NR3C2: variants seen among roughly 807,000 people sequenced by gnomAD.
NR3C2 encodes the protein nuclear receptor subfamily 3 group C member 2.
NR3C2 carries 15 observed loss-of-function variants against 86.4 expected under a neutral mutation model. That is an observed-to-expected ratio of 0.17 (90% CI 0.12 to 0.27). The LOEUF (loss-of-function observed/expected upper bound fraction) is 0.27, where lower values mean the gene tolerates loss of function less well. Ranked by LOEUF, NR3C2 falls within the 10% of genes least tolerant of loss-of-function variation. The pLI, the probability that NR3C2 is intolerant of heterozygous loss-of-function variation, is 1.00. For synonymous variants in NR3C2, 458 were observed against 450.5 expected, an observed-to-expected ratio of 1.02 and a Z score of -0.21; for missense variants, 960 against 1,195.6, an observed-to-expected ratio of 0.80 and a Z score of 2.91.
chr4:148,115,974 T>C (rs1019983523), intron 7 of NR3C2, among the ~76,000 whole-genome samples: 1 of 152,198 alleles, frequency 6.6e-6, no homozygotes, highest in African/African-American at 2.4e-5. Context: ...AAATCCAATT[T>C]CTACCAAAAT....
chr4:148,079,533 G>T lies in NR3C2; in HGVS notation c.*1811C>A, dbSNP rs1730442965. On this transcript the variant is annotated 3_prime_UTR_variant, in exon 9 of 9. Coordinates refer to ENST00000358102, the MANE Select transcript of NR3C2 (RefSeq NM_000901.5). ...TATGATTTCACTGAGTAAACCTGAT[G>T]ATTATCATCATTTTTAAAAGATTAA... 6.6e-6 allele frequency: 1 copy of T among 152,580 alleles called. No individual in the cohort carries two copies. Among genetic ancestry groups the T allele is most frequent in the Non-Finnish European group, 1.5e-5 (1 of 68,026 alleles). The allele number at this position is 152,580 out of a possible 1,614,324, so 9.5% of individuals were successfully genotyped here. A position where few individuals can be genotyped will look rare whatever the true frequency, so the allele number is the denominator to read the frequency against.
At chr4:148,322,863 C>G (rs1207146930) in intron 2 of NR3C2, among the ~76,000 whole-genome samples, 3 of 100,288 alleles carry the variant, frequency 3.0e-5, no homozygotes, top group Non-Finnish European at 4.0e-5. Flanking sequence ...TCGTCTGAAG[C>G]CTTCTTCTCT....
chr4:148,183,502 A>G (rs1265623145), intron 4 of NR3C2, among the ~76,000 whole-genome samples: 3 of 152,172 alleles, frequency 2.0e-5, no homozygotes, highest in African/African-American at 7.2e-5. Context: ...TGACTTTTTA[A>G]TGATGGCCAT....
intron 2 of NR3C2, among the ~76,000 whole-genome samples, chr4:148,307,676 G>T (rs1406666230): frequency 6.6e-6 from 1 of 152,000 alleles, no homozygotes; most frequent in East Asian, 1.9e-4. Context: ...CTACCTTGGG[G>T]GTAGTCGGGA....
intron 2 of NR3C2, among the ~76,000 whole-genome samples, chr4:148,326,497 G>A (rs780205835): frequency 5.3e-5 from 8 of 152,126 alleles, no homozygotes; most frequent in Non-Finnish European, 7.4e-5. Context: ...GCCCATGTTA[G>A]TGTTCCAAGG....
intron 7 of NR3C2, among the ~76,000 whole-genome samples, chr4:148,115,171 G>A (rs1282909766): frequency 6.6e-6 from 1 of 152,180 alleles, no homozygotes; most frequent in African/African-American, 2.4e-5. Flanking sequence ...TTCCTTTTAT[G>A]TGGTGGCTAG....
At chr4:148,356,740 A>G (rs1365544915) in intron 2 of NR3C2, among the ~76,000 whole-genome samples, 1 of 152,222 alleles carries the variant, frequency 6.6e-6, no homozygotes, top group African/African-American at 2.4e-5. Context: ...GTACATAAAA[A>G]TAAGTCTTGT....
chr4:148,094,242 A>G (rs570300323), intron 8 of NR3C2, among the ~76,000 whole-genome samples: 1 of 152,370 alleles, frequency 6.6e-6, no homozygotes, highest in African/African-American at 2.4e-5. Flanking sequence ...TGACAAGGAT[A>G]TAGAGAAATT....
intron 3 of NR3C2, among the ~76,000 whole-genome samples, chr4:148,239,804 T>C (rs545463940): frequency 1.2e-4 from 18 of 152,288 alleles, no homozygotes; most frequent in Non-Finnish European, 2.4e-4. Flanking sequence ...CCCTGCTGTC[T>C]GGGAGAATGG....
rs537447340 is a variant in NR3C2 at position 148,138,841 on chromosome 4, C to T, written c.2510+13628G>A. ...ATAACCGGTGACTAGGTCATGCTGCCCTCATGGATGGATTCATGTTCTGAT... is the reference window on the plus strand; with the variant it reads ...ATAACCGGTGACTAGGTCATGCTGCTCTCATGGATGGATTCATGTTCTGAT... On this transcript the variant is annotated intron_variant, in intron 6 of 8. Transcript: ENST00000358102. Among the ~76,000 whole-genome samples the T allele has an allele frequency of 2.0e-5, 3 of 152,282 alleles. No homozygotes were observed. The South Asian group carries it at 6.2e-4, about 32-fold the overall frequency.
At chr4:148,382,327 G>A (rs771465782) in intron 2 of NR3C2, among the ~76,000 whole-genome samples, 9 of 152,100 alleles carry the variant, frequency 5.9e-5, no homozygotes, top group Non-Finnish European at 8.8e-5. Context: ...AGGAGCTAAG[G>A]ATAAAAATAA....
chr4:148,213,970 T>C (rs1022523142), intron 3 of NR3C2, among the ~76,000 whole-genome samples: 8 of 152,232 alleles, frequency 5.3e-5, no homozygotes, highest in African/African-American at 1.4e-4. Flanking sequence ...GTTTCACTTC[T>C]TATGGAAGAA....
At chr4:148,420,356 T>C (rs1749222228) in intron 2 of NR3C2, among the ~76,000 whole-genome samples, 1 of 152,224 alleles carries the variant, frequency 6.6e-6, no homozygotes, top group Admixed American at 6.5e-5. Flanking sequence ...CTATTTTCTT[T>C]AAGCTAATAT....
chr4:148,241,685 T>C (rs1052326683), intron 3 of NR3C2, among the ~76,000 whole-genome samples: 1 of 152,194 alleles, frequency 6.6e-6, no homozygotes, highest in South Asian at 2.1e-4. Context: ...CCTGTTTGCT[T>C]ATTTGCAAAT....
intron 2 of NR3C2, among the ~76,000 whole-genome samples, chr4:148,350,222 A>T (rs564115506): frequency 6.6e-6 from 1 of 152,304 alleles, no homozygotes; most frequent in East Asian, 1.9e-4. Flanking sequence ...AAAGTATAGA[A>T]GGAGGTCTGT....
chr4:148,401,252 C>T (rs901295370), intron 2 of NR3C2, among the ~76,000 whole-genome samples: 1 of 152,122 alleles, frequency 6.6e-6, no homozygotes, highest in African/African-American at 2.4e-5. Context: ...TGGTGCTTAC[C>T]ATCTGATGCG....
At chr4:148,242,529 T>A (rs905437188) in intron 3 of NR3C2, among the ~76,000 whole-genome samples, 2 of 152,212 alleles carry the variant, frequency 1.3e-5, no homozygotes, top group Non-Finnish European at 2.9e-5. Context: ...ACAGATTTCT[T>A]GATTCCTGTG....
intron 2 of NR3C2, among the ~76,000 whole-genome samples, chr4:148,322,448 C>G (rs1445973766): frequency 8.9e-6 from 1 of 111,976 alleles, no homozygotes; most frequent in Non-Finnish European, 1.7e-5. Flanking sequence ...TGGGGAAGTT[C>G]TCCTGGATAA....
In NR3C2 at chr4:148,113,146, G is replaced by A. The variant is rs534251261; in HGVS notation, c.2799+958C>T. Among the ~76,000 whole-genome samples, 15 of 152,148 alleles carry A rather than the reference G, an allele frequency of 9.9e-5. No individual in the cohort carries two copies. The East Asian group carries it at 1.2e-3, about 12-fold the overall frequency. ...TTGTAGAAACTGCTAAAACCACCTC[G>A]GCTATATCTATAATTGATTAAATTA... On this transcript the variant is annotated intron_variant, in intron 8 of 8. Transcript: ENST00000358102.
Sources: allele counts gnomAD v4.1 joint callset (sites outside exome capture counted in the v4.1 genomes callset), GRCh38; gene constraint gnomAD v4.1.1; transcripts MANE v1.5; gene names NCBI Gene and HGNC (gene_info 2026-07-23, HGNC 2026-07-21).